The following DAB1 variants were observed in gnomAD, a reference collection of about 807,000 sequenced individuals.
DAB1 encodes the protein DAB adaptor protein 1.
In DAB1, 15 loss-of-function variants were observed where a neutral mutation model predicts 64.6. The observed-to-expected ratio is 0.23, with a 90% CI of 0.16 to 0.36. DAB1 has a LOEUF of 0.36. Ranked by LOEUF, DAB1 falls within the 10% of genes least tolerant of loss-of-function variation. The pLI is 1.00. For synonymous variants in DAB1, 235 were observed against 251.9 expected, an observed-to-expected ratio of 0.93 and a Z score of 0.64; for missense variants, 596 against 706.7, an observed-to-expected ratio of 0.84 and a Z score of 1.78.
At chr1:57,665,735 T>C (rs565050147) in intron 6 of DAB1, among the ~76,000 whole-genome samples, 4 of 152,176 alleles carry the variant, frequency 2.6e-5, no homozygotes, top group African/African-American at 4.8e-5. Context: ...GATGAATATG[T>C]GTGTACACTC....
intron 3 of DAB1, among the ~76,000 whole-genome samples, chr1:58,417,949 C>G (rs998894317): frequency 1.3e-5 from 2 of 152,178 alleles, no homozygotes; most frequent in African/African-American, 4.8e-5. Context: ...CCCTTCAACT[C>G]TTGCTCTTAC....
rs370416400 is a variant in DAB1 at position 57,591,732 on chromosome 1, T to A, written n.625+57860A>T. On this transcript the variant is annotated intron_variant and non_coding_transcript_variant, in intron 7 of 20. Coordinates refer to the DAB1 transcript ENST00000485760. ...CTTTTTACAGTGTCTGCATGTATAC[T>A]TCTCAGTAAGCAGAATTTATTATTT... is the stretch of plus-strand genomic sequence containing the variant. 5.3e-5 allele frequency among the ~76,000 whole-genome samples: 8 copies of A among 152,344 alleles called. No individual in the cohort carries two copies. The South Asian group carries it at 1.2e-3, about 24-fold the overall frequency.
At position 57,211,632 on chromosome 1, in the gene DAB1, T is replaced by C. The variant is rs546152765; in HGVS notation, c.68-66203A>G. Among the ~76,000 whole-genome samples the C allele has an allele frequency of 5.3e-5, 8 of 152,302 alleles. No individual in the cohort carries two copies. The South Asian group carries it at 1.5e-3, about 28-fold the overall frequency. On this transcript the variant is annotated intron_variant, in intron 2 of 14. Coordinates refer to ENST00000371236, the MANE Select transcript of DAB1 (RefSeq NM_001365792.1). Reference sequence around the variant, plus strand: ...TGGAAACATCAAATAAAAAATGTTATATGTCAAAACTAAGTTCCAAAGGGC... The same window carrying C: ...TGGAAACATCAAATAAAAAATGTTACATGTCAAAACTAAGTTCCAAAGGGC...
intron 1 of DAB1, among the ~76,000 whole-genome samples, chr1:57,852,352 T>C (rs1025390170): frequency 1.3e-5 from 2 of 152,198 alleles, no homozygotes; most frequent in African/African-American, 2.4e-5. Context: ...TGTCTATTCT[T>C]CATAGCACCT....
chr1:57,071,181 G>A (rs1651422558), intron 6 of DAB1, 120 bp from the exon 7 acceptor site: 1 of 967,838 alleles, frequency 1.0e-6, no homozygotes, highest in Non-Finnish European at 1.6e-6. Flanking sequence ...GAGGCTGGTG[G>A]GCCATCAAGG....
intron 7 of DAB1, among the ~76,000 whole-genome samples, chr1:57,539,453 A>G (rs1456289713): frequency 6.6e-6 from 1 of 152,216 alleles, no homozygotes; most frequent in East Asian, 1.9e-4. Flanking sequence ...ATAATAATAT[A>G]TGATTTCAAA....
intron 2 of DAB1, among the ~76,000 whole-genome samples, chr1:57,264,055 C>G (rs1670398094): frequency 6.6e-6 from 1 of 152,132 alleles, no homozygotes; most frequent in Admixed American, 6.5e-5. Flanking sequence ...TGAATATCTT[C>G]CATATATATC....
At chr1:57,768,160 A>T (rs892246639) in intron 6 of DAB1, among the ~76,000 whole-genome samples, 7 of 139,382 alleles carry the variant, frequency 5.0e-5, no homozygotes, top group Admixed American at 1.5e-4. Context: ...CTGGGAGACA[A>T]AGCGAGAATC....
intron 6 of DAB1, among the ~76,000 whole-genome samples, chr1:57,811,583 T>G (rs1456745671): frequency 6.6e-6 from 1 of 152,192 alleles, no homozygotes; most frequent in African/African-American, 2.4e-5. Flanking sequence ...AGTCTTAGGT[T>G]TTTCTTTATA....
At position 58,359,726 on chromosome 1, in the gene DAB1, T is replaced by C. The variant is rs1026891813; in HGVS notation, n.258-16323A>G. On this transcript the variant is annotated intron_variant and non_coding_transcript_variant, in intron 3 of 20. Transcript: ENST00000485760. The stretch of plus-strand genomic sequence containing the variant: ...GAGTGATAATTAACAATGATGGCAG[T>C]AGTATGGTTATTTATTCAGTTAGTA... 3.4e-4 allele frequency among the ~76,000 whole-genome samples: 51 copies of C among 152,152 alleles called. 1 individual carries two copies. The highest frequency in any genetic ancestry group is 2.9e-3 in the Admixed American group (45 of 15,278).
At chr1:57,529,393 T>A (rs1644634795) in intron 7 of DAB1, among the ~76,000 whole-genome samples, 1 of 152,072 alleles carries the variant, frequency 6.6e-6, no homozygotes, top group African/African-American at 2.4e-5. Context: ...TTAATTACAT[T>A]AAATGTAAAT....
chr1:57,227,080 G>A (rs141125437), intron 2 of DAB1, among the ~76,000 whole-genome samples: 7 of 151,986 alleles, frequency 4.6e-5, no homozygotes, highest in African/African-American at 1.7e-4. Context: ...GAGGCAAAGG[G>A]GGGAGGATCA....
intron 4 of DAB1, among the ~76,000 whole-genome samples, chr1:58,312,632 G>C (rs1332612415): frequency 6.6e-6 from 1 of 152,202 alleles, no homozygotes; most frequent in Non-Finnish European, 1.5e-5. Flanking sequence ...TCAATGCAAA[G>C]GGTGTCATTT....
intron 4 of DAB1, among the ~76,000 whole-genome samples, chr1:58,151,574 G>T (rs1222183587): frequency 6.6e-6 from 1 of 152,156 alleles, no homozygotes; most frequent in African/African-American, 2.4e-5. Context: ...TTGAAAATTT[G>T]TAAACAAGAA....
At chr1:57,408,004 C>T (rs1387354216) in intron 1 of DAB1, among the ~76,000 whole-genome samples, 2 of 152,206 alleles carry the variant, frequency 1.3e-5, no homozygotes, top group Non-Finnish European at 2.9e-5. Context: ...TCTGACTCCA[C>T]TACTAACTCC....
intron 1 of DAB1, among the ~76,000 whole-genome samples, chr1:57,328,899 TTCTG>T (rs1333294538): frequency 2.8e-4 from 43 of 152,342 alleles, no homozygotes; most frequent in Admixed American, 7.8e-4. Flanking sequence ...ATTAGATAAA[TTCTG>T]TCTATTATTA....
At chr1:58,053,489 C>T (rs1176886383) in intron 5 of DAB1, among the ~76,000 whole-genome samples, 2 of 152,142 alleles carry the variant, frequency 1.3e-5, no homozygotes, top group Non-Finnish European at 2.9e-5. Context: ...GAAAACCTCA[C>T]TCACCCCTGA....
At chr1:57,090,812 T>G (rs1050336641) in intron 4 of DAB1, among the ~76,000 whole-genome samples, 1 of 152,112 alleles carries the variant, frequency 6.6e-6, no homozygotes, top group Non-Finnish European at 1.5e-5. Flanking sequence ...TGTGGCCTGT[T>G]AGAAACCAGG....
chr1:57,547,497 A>G (rs1435182574), intron 7 of DAB1, among the ~76,000 whole-genome samples: 1 of 152,220 alleles, frequency 6.6e-6, no homozygotes, highest in Non-Finnish European at 1.5e-5. Context: ...ATTTTCTGCT[A>G]AGATAGTAGG....
Sources: gnomAD v4.1 joint callset for allele counts (sites outside exome capture counted in the v4.1 genomes callset) on GRCh38, gnomAD v4.1.1 for gene constraint, MANE v1.5 for transcripts, NCBI Gene and HGNC (gene_info 2026-07-23, HGNC 2026-07-21) for gene names.